Variants in ZNF618 observed in about 807,000 individuals in gnomAD.
The protein encoded by ZNF618 is neural precursor cell expressed, developmentally down-regulated 10.
Under a neutral mutation model 103.0 loss-of-function variants are expected in ZNF618, and 34 were observed. The ratio of observed to expected loss-of-function variants is 0.33; its 90% CI spans 0.25 to 0.44. The LOEUF (loss-of-function observed/expected upper bound fraction) is 0.44. Ranked by LOEUF, ZNF618 falls within the 20% of genes least tolerant of loss-of-function variation. The pLI, the probability that ZNF618 is intolerant of heterozygous loss-of-function variation, is 1.00. For missense variants in ZNF618, 1,059 were observed against 1,295.4 expected, an observed-to-expected ratio of 0.82 and a Z score of 2.80; for synonymous variants, 551 against 542.2, an observed-to-expected ratio of 1.02 and a Z score of -0.23.
chr9:113,935,699 A>G (rs982772818), intron 1 of ZNF618, among the ~76,000 whole-genome samples: 8 of 151,894 alleles, frequency 5.3e-5, no homozygotes, highest in Admixed American at 3.3e-4. Context: ...CTCCATCTTT[A>G]GGTGTGATGA....
rs1564361390 is a variant in ZNF618 at position 114,053,374 on chromosome 9, C to T, written c.*3207C>T. The T allele has an allele frequency of 6.6e-6, 1 of 152,350 alleles. No individual in the cohort carries two copies. The highest frequency in any genetic ancestry group is 1.5e-5 in the Non-Finnish European group (1 of 68,106). 9.4% of individuals were successfully genotyped at this position (152,350 alleles called of 1,614,324 possible). A position where few individuals can be genotyped will look rare whatever the true frequency, so the allele number is the denominator to read the frequency against. On this transcript the variant is annotated 3_prime_UTR_variant, in exon 15 of 15. Coordinates refer to ENST00000374126, the MANE Select transcript of ZNF618 (RefSeq NM_001318042.2). ...CACTGTAGGTCTTTCCATCACAAGCCTTTGGGGGATCTGGGACCAGGAATT... is the reference window on the plus strand; with the variant it reads ...CACTGTAGGTCTTTCCATCACAAGCTTTTGGGGGATCTGGGACCAGGAATT...
chr9:113,879,530 T>C (rs374652626), intron 1 of ZNF618, among the ~76,000 whole-genome samples: 121 of 151,984 alleles, frequency 8.0e-4, no homozygotes, highest in African/African-American at 2.6e-3. Flanking sequence ...GATTGAGATC[T>C]GACCTTGGCC....
At chr9:113,923,788 C>T (rs1348234819) in intron 1 of ZNF618, among the ~76,000 whole-genome samples, 2 of 151,832 alleles carry the variant, frequency 1.3e-5, no homozygotes, top group African/African-American at 4.8e-5. Flanking sequence ...ATTGAGTATC[C>T]CTTATCTGAA....
intron 1 of ZNF618, among the ~76,000 whole-genome samples, chr9:113,949,354 G>A (rs1835329924): frequency 6.6e-6 from 1 of 152,218 alleles, no homozygotes. Context: ...GTCCTCTGAT[G>A]TGAAGAGTTC....
At chr9:113,946,116 G>A (rs1173669655) in intron 1 of ZNF618, among the ~76,000 whole-genome samples, 1 of 152,034 alleles carries the variant, frequency 6.6e-6, no homozygotes, top group Non-Finnish European at 1.5e-5. Flanking sequence ...CCACTGTCAG[G>A]GCCAAGAGCT....
chr9:113,962,331 T>C (rs1836927564), intron 1 of ZNF618, among the ~76,000 whole-genome samples: 3 of 152,182 alleles, frequency 2.0e-5, no homozygotes, highest in South Asian at 2.1e-4. Flanking sequence ...CCTGCCACCA[T>C]CATCTTTTCC....
At chr9:113,910,223 A>T (rs1355090675) in intron 1 of ZNF618, among the ~76,000 whole-genome samples, 1 of 152,128 alleles carries the variant, frequency 6.6e-6, no homozygotes, top group Non-Finnish European at 1.5e-5. Flanking sequence ...AGTTGGTGCC[A>T]TGGCCTCCCA....
chr9:114,050,426 G>T lies in ZNF618; in HGVS notation c.*259G>T. ...CTCTGTGCTCATCTCCATGGCCAGAGAAACTTTGCACACACGCACACACAC... is the reference window on the plus strand; with the variant it reads ...CTCTGTGCTCATCTCCATGGCCAGATAAACTTTGCACACACGCACACACAC... On this transcript the variant is annotated 3_prime_UTR_variant, in exon 15 of 15. Coordinates refer to ENST00000374126, the MANE Select transcript of ZNF618 (RefSeq NM_001318042.2). The T allele has an allele frequency of 5.2e-6, 2 of 385,634 alleles. No homozygotes were observed. Among genetic ancestry groups the T allele is most frequent in the Non-Finnish European group, 9.2e-6 (2 of 217,856 alleles). The allele number at this position is 385,634 out of a possible 1,614,324, so 23.9% of individuals were successfully genotyped here.
intron 2 of ZNF618, among the ~76,000 whole-genome samples, chr9:113,975,959 A>C (rs1187924334): frequency 6.6e-6 from 1 of 152,202 alleles, no homozygotes; most frequent in Non-Finnish European, 1.5e-5. Flanking sequence ...CCTAAATTGC[A>C]GGTTGAATGG....
At chr9:113,972,800 C>T (rs902891389) in intron 2 of ZNF618, among the ~76,000 whole-genome samples, 3 of 152,188 alleles carry the variant, frequency 2.0e-5, no homozygotes, top group Admixed American at 1.3e-4. Flanking sequence ...AGTGCGGTGG[C>T]TCACCCCTGT....
intron 10 of ZNF618, among the ~76,000 whole-genome samples, chr9:114,023,462 T>C (rs1843240173): frequency 6.6e-6 from 1 of 152,192 alleles, no homozygotes; most frequent in South Asian, 2.1e-4. Flanking sequence ...ATGTGTGTTA[T>C]AAACCCAACA....
intron 10 of ZNF618, among the ~76,000 whole-genome samples, chr9:114,024,808 A>G (rs923431297): frequency 6.6e-6 from 1 of 150,938 alleles, no homozygotes; most frequent in African/African-American, 2.4e-5. Context: ...TTTGGTATTC[A>G]GCCAGATTTC....
In ZNF618 at chr9:113,998,333, C is replaced by A; in HGVS notation, c.412C>A (p.Gln138Lys). Residue 138 changes from glutamine (Q) to lysine (K), a missense_variant, in exon 4 of 15, where the codon CAA (glutamine) becomes AAA (lysine). Gln to Lys is a moderately conservative substitution (Grantham distance 53). Coordinates refer to ENST00000374126, the MANE Select transcript of ZNF618 (RefSeq NM_001318042.2). ...SRYSGTWIFD[Q>K]ALRYASGSYE... ...GTATTCAGGGACCTGGATTTTTGACCAAGCATTGAGATATGCATCTGGTAC... is the reference window on the plus strand; with the variant it reads ...GTATTCAGGGACCTGGATTTTTGACAAAGCATTGAGATATGCATCTGGTAC... 2 of 1,550,482 alleles carry A rather than the reference C, an allele frequency of 1.3e-6. No homozygotes were observed. Among genetic ancestry groups the A allele is most frequent in the Non-Finnish European group, 1.7e-6 (2 of 1,146,990 alleles).
intron 10 of ZNF618, among the ~76,000 whole-genome samples, chr9:114,019,820 AT>A (rs904521159): frequency 2.0e-5 from 3 of 152,258 alleles, no homozygotes; most frequent in Non-Finnish European, 2.9e-5. Context: ...ATACAGCATC[AT>A]TTGATGAACA....
intron 2 of ZNF618, among the ~76,000 whole-genome samples, chr9:113,980,603 A>C (rs1838884931): frequency 6.6e-6 from 1 of 152,242 alleles, no homozygotes; most frequent in Admixed American, 6.5e-5. Context: ...ACAAGTCTCC[A>C]TGAGATCGCT....
chr9:113,987,109 G>A (rs1839556738), intron 2 of ZNF618, among the ~76,000 whole-genome samples: 1 of 152,158 alleles, frequency 6.6e-6, no homozygotes, highest in Admixed American at 6.5e-5. Flanking sequence ...GCATGGCCAG[G>A]GCAGTGTCTC....
chr9:113,884,705 GACAC>G (rs142237899), intron 1 of ZNF618, among the ~76,000 whole-genome samples: 1 of 150,556 alleles, frequency 6.6e-6, no homozygotes, highest in South Asian at 2.1e-4. Context: ...CTTCCTTATC[GACAC>G]ACACACACAC....
At chr9:113,926,381 T>A (rs1419102313) in intron 1 of ZNF618, among the ~76,000 whole-genome samples, 1 of 152,070 alleles carries the variant, frequency 6.6e-6, no homozygotes, top group Non-Finnish European at 1.5e-5. Context: ...TGCTTGGTGC[T>A]CTCTGAGCTT....
intron 2 of ZNF618, among the ~76,000 whole-genome samples, chr9:113,978,132 T>C (rs1838651271): frequency 6.6e-6 from 1 of 152,226 alleles, no homozygotes; most frequent in African/African-American, 2.4e-5. Context: ...ATATCAGTGA[T>C]ACATGACAGA....
Sources: allele counts gnomAD v4.1 joint callset (sites outside exome capture counted in the v4.1 genomes callset), GRCh38; gene constraint gnomAD v4.1.1; transcripts MANE v1.5; gene names NCBI Gene and HGNC (gene_info 2026-07-23, HGNC 2026-07-21).